The following PRKCB variants were observed in gnomAD, a reference collection of about 807,000 sequenced individuals.
The protein encoded by PRKCB is protein kinase C beta.
A neutral mutation model predicts 81.5 loss-of-function variants in PRKCB; 13 were observed. The ratio of observed to expected loss-of-function variants is 0.16; its 90% CI spans 0.10 to 0.25. PRKCB has a LOEUF of 0.25. Ranked by LOEUF, PRKCB falls within the 10% of genes least tolerant of loss-of-function variation. The pLI, the probability that PRKCB is intolerant of heterozygous loss-of-function variation, is 1.00. For synonymous variants in PRKCB, 335 were observed against 321.4 expected (o/e 1.04, Z -0.45); for missense variants, 509 against 875.7 (o/e 0.58, Z 5.29).
intron 2 of PRKCB, among the ~76,000 whole-genome samples, chr16:23,849,296 C>T (rs754201142): frequency 2.4e-4 from 36 of 152,156 alleles, no homozygotes; most frequent in African/African-American, 8.2e-4. Flanking sequence ...TATCCCTTTT[C>T]GGTTGAAGAA....
At chr16:24,133,532 G>A (rs963104711) in intron 9 of PRKCB, among the ~76,000 whole-genome samples, 1 of 152,116 alleles carries the variant, frequency 6.6e-6, no homozygotes, top group Non-Finnish European at 1.5e-5. Context: ...TGACTCCTTA[G>A]CTGGTTCCTT....
intron 3 of PRKCB, among the ~76,000 whole-genome samples, chr16:24,002,292 A>C (rs1965046237): frequency 6.6e-6 from 1 of 151,282 alleles, no homozygotes; most frequent in South Asian, 2.1e-4. Flanking sequence ...GAAATCCCAA[A>C]GCACAGGTGT....
chr16:23,876,460 T>G (rs1567299023), intron 2 of PRKCB, among the ~76,000 whole-genome samples: 1 of 152,126 alleles, frequency 6.6e-6, no homozygotes, highest in Non-Finnish European at 1.5e-5. Flanking sequence ...TCCACCAGAT[T>G]AGCAACTGTC....
chr16:24,119,344 ACC>A (rs1008951827), intron 8 of PRKCB, among the ~76,000 whole-genome samples: 1 of 151,614 alleles, frequency 6.6e-6, no homozygotes, highest in South Asian at 2.1e-4. Flanking sequence ...CCCTCTTCCC[ACC>A]CCCCCAAAAA....
chr16:23,927,868 C>G (rs1392160071), intron 2 of PRKCB, among the ~76,000 whole-genome samples: 1 of 151,878 alleles, frequency 6.6e-6, no homozygotes, highest in Non-Finnish European at 1.5e-5. Context: ...TAGTTGGTGT[C>G]CAAATGGCAC....
intron 2 of PRKCB, among the ~76,000 whole-genome samples, chr16:23,875,684 CATATATGTATGTATATCACACAT>C (rs1567298670): frequency 5.7e-5 from 2 of 34,944 alleles, no homozygotes; most frequent in East Asian, 1.3e-3. Context: ...ATATCACACA[CATATATGTATGTATATCACACAT>C]ATATATGTAT....
chr16:23,848,894 C>G (rs1962423393), intron 2 of PRKCB, among the ~76,000 whole-genome samples: 1 of 152,176 alleles, frequency 6.6e-6, no homozygotes, highest in African/African-American at 2.4e-5. Context: ...TAGGACTGGG[C>G]ACTGTCCTTG....
intron 5 of PRKCB, among the ~76,000 whole-genome samples, chr16:24,076,541 C>T (rs746018426): frequency 6.6e-6 from 1 of 152,196 alleles, no homozygotes; most frequent in Non-Finnish European, 1.5e-5. Flanking sequence ...ACCTTGACAA[C>T]TTTCTCCCTA....
intron 2 of PRKCB, among the ~76,000 whole-genome samples, chr16:23,847,123 G>A (rs12598807): frequency 0.57 from 86,601 of 151,786 alleles, 24,773 homozygotes; most frequent in East Asian, 0.61. Context: ...TTCAACCATA[G>A]CTGTGTTCCT....
intron 16 of PRKCB, among the ~76,000 whole-genome samples, chr16:24,209,639 A>C (rs536979059): frequency 6.6e-6 from 1 of 152,192 alleles, no homozygotes; most frequent in African/African-American, 2.4e-5. Context: ...AATTCAGAAT[A>C]TACCCCACAT....
At chr16:23,865,723 T>C (rs1431732688) in intron 2 of PRKCB, among the ~76,000 whole-genome samples, 1 of 151,276 alleles carries the variant, frequency 6.6e-6, no homozygotes, top group Non-Finnish European at 1.5e-5. Context: ...TTTCATCAGG[T>C]GCCTCTGTGT....
chr16:24,022,302 G>A (rs1250270248), intron 3 of PRKCB, among the ~76,000 whole-genome samples: 1 of 152,006 alleles, frequency 6.6e-6, no homozygotes, highest in Non-Finnish European at 1.5e-5. Context: ...GTCCAGGCAG[G>A]AAAGGGGAAA....
chr16:24,047,151 A>G (rs1169237746), intron 5 of PRKCB, among the ~76,000 whole-genome samples: 2 of 151,884 alleles, frequency 1.3e-5, no homozygotes, highest in East Asian at 3.9e-4. Context: ...AGCCTGGTCA[A>G]CATAGTGAAA....
chr16:24,128,241 G>A (rs1327204207), intron 9 of PRKCB, among the ~76,000 whole-genome samples: 1 of 152,182 alleles, frequency 6.6e-6, no homozygotes, highest in African/African-American at 2.4e-5. Context: ...CGGGCATGGT[G>A]GCAGGCGCCT....
chr16:24,218,641 C>T lies in PRKCB; in HGVS notation c.*3825C>T. ...AAGGTCTTTTGCAAAGGAGAGTGAA[C>T]CCAGCAATGAGAGATCCTTAACAGC... On this transcript the variant is annotated 3_prime_UTR_variant, in exon 17 of 17. Coordinates refer to ENST00000643927, the MANE Select transcript of PRKCB (RefSeq NM_002738.7). 2.1e-6 allele frequency: 2 copies of T among 974,602 alleles called. No homozygotes were observed. The highest frequency in any genetic ancestry group is 2.4e-6 in the Non-Finnish European group (2 of 827,038). The allele number at this position is 974,602 out of a possible 1,614,324, so 60.4% of individuals were successfully genotyped here.
intron 2 of PRKCB, among the ~76,000 whole-genome samples, chr16:23,932,709 G>A (rs1371614491): frequency 3.9e-5 from 6 of 152,344 alleles, no homozygotes; most frequent in Non-Finnish European, 8.8e-5. Flanking sequence ...GTGGACCAGA[G>A]GGATGGGGGA....
chr16:23,953,114 A>G (rs550811788), intron 2 of PRKCB, among the ~76,000 whole-genome samples: 1 of 152,274 alleles, frequency 6.6e-6, no homozygotes, highest in South Asian at 2.1e-4. Context: ...TGTTTTACGG[A>G]GACACAGAGT....
At chr16:23,963,577 G>A (rs1964452265) in intron 2 of PRKCB, 1 of 152,176 alleles carries the variant, frequency 6.6e-6, no homozygotes, top group South Asian at 2.1e-4. Flanking sequence ...CAGGTGGAGT[G>A]GGCAGTTTCC....
chr16:24,196,949 G>T (rs891840566), intron 16 of PRKCB, among the ~76,000 whole-genome samples: 6 of 152,346 alleles, frequency 3.9e-5, no homozygotes, highest in Admixed American at 3.3e-4. Flanking sequence ...TAGGAGGAAG[G>T]TGGTGGTTTG....
Sources: allele counts gnomAD v4.1 joint callset (sites outside exome capture counted in the v4.1 genomes callset), GRCh38; gene constraint gnomAD v4.1.1; transcripts MANE v1.5; gene names NCBI Gene and HGNC (gene_info 2026-07-23, HGNC 2026-07-21).